The following RNF19A variants were observed in gnomAD, a reference collection of about 807,000 sequenced individuals.
RNF19A encodes the protein E3 ubiquitin-protein ligase RNF19A.
In RNF19A, 32 loss-of-function variants were observed where a neutral mutation model predicts 75.7. The ratio of observed to expected loss-of-function variants is 0.42; its 90% CI spans 0.32 to 0.57. The LOEUF (loss-of-function observed/expected upper bound fraction) is 0.57. Ranked by LOEUF, RNF19A falls within the 20% of genes least tolerant of loss-of-function variation. The probability of loss-of-function intolerance (pLI) is 0.10; values close to 1 mark genes in which losing one functional copy is unlikely to be tolerated. For synonymous variants in RNF19A, 335 were observed against 345.2 expected (o/e 0.97, Z 0.33); for missense variants, 782 against 1,036.3 (o/e 0.75, Z 3.37).
At chr8:100,298,419 C>T (rs944687542) in intron 1 of RNF19A, among the ~76,000 whole-genome samples, 1 of 152,124 alleles carries the variant, frequency 6.6e-6, no homozygotes, top group Non-Finnish European at 1.5e-5. Context: ...AATTCAACTA[C>T]TTATAAATGA....
At chr8:100,298,077 T>C (rs996676213) in intron 1 of RNF19A, among the ~76,000 whole-genome samples, 2 of 151,604 alleles carry the variant, frequency 1.3e-5, no homozygotes, top group African/African-American at 4.9e-5. Context: ...AAAGATTAAA[T>C]AAAATAACAC....
At chr8:100,276,216 A>C (rs1452031256) in intron 2 of RNF19A, among the ~76,000 whole-genome samples, 1 of 152,246 alleles carries the variant, frequency 6.6e-6, no homozygotes, top group African/African-American at 2.4e-5. Context: ...TTCAAAAGGT[A>C]AATGGTTAAA....
intron 2 of RNF19A, among the ~76,000 whole-genome samples, chr8:100,278,543 G>A (rs1397943887): frequency 6.6e-6 from 1 of 152,034 alleles, no homozygotes; most frequent in Non-Finnish European, 1.5e-5. Flanking sequence ...AATTAAATAG[G>A]AAAACAATTT....
chr8:100,291,246 G>T (rs1459331756), intron 1 of RNF19A, among the ~76,000 whole-genome samples: 1 of 152,152 alleles, frequency 6.6e-6, no homozygotes, highest in Non-Finnish European at 1.5e-5. Flanking sequence ...TGTTAAACCT[G>T]CCTAACAAAC....
chr8:100,303,171 C>A (rs1248775640), intron 1 of RNF19A: 1 of 152,280 alleles, frequency 6.6e-6, no homozygotes, highest in African/African-American at 2.4e-5. Flanking sequence ...GTTCTGGAGG[C>A]CAGAAGTCCA....
rs1822400142 is a variant in RNF19A at position 100,317,392 on chromosome 8, T to C, written c.-242-4020A>G. On this transcript the variant is annotated intron_variant, in intron 1 of 3. Coordinates refer to the RNF19A transcript ENST00000519527. The surrounding 1 kb of genome is among the most constrained non-coding windows in gnomAD (Gnocchi z 4.3). The stretch of plus-strand genomic sequence containing the variant: ...ATGATAATATCCCAACTTCAGGAAG[T>C]TTTCTTCCACTAGATCTCTCACTGG... Among the ~76,000 whole-genome samples, 1 of 152,184 alleles carries C rather than the reference T, an allele frequency of 6.6e-6. No individual in the cohort carries two copies. Among genetic ancestry groups the C allele is most frequent in the Non-Finnish European group, 1.5e-5 (1 of 68,014 alleles).
chr8:100,326,396 C>T (rs1822534103), intron 1 of RNF19A, among the ~76,000 whole-genome samples: 1 of 152,098 alleles, frequency 6.6e-6, no homozygotes, highest in African/African-American at 2.4e-5. Context: ...GTCCCTAATG[C>T]CCACATTCTT....
chr8:100,302,911 A>G (rs1265346455), intron 1 of RNF19A, among the ~76,000 whole-genome samples: 1 of 152,236 alleles, frequency 6.6e-6, no homozygotes, highest in Non-Finnish European at 1.5e-5. Flanking sequence ...AACAAAATGT[A>G]TCTTATAAGA....
intron 1 of RNF19A, among the ~76,000 whole-genome samples, chr8:100,306,569 A>G (rs1822070562): frequency 6.6e-6 from 1 of 152,148 alleles, no homozygotes; most frequent in Non-Finnish European, 1.5e-5. Flanking sequence ...TCCTTTATCA[A>G]GAAGTGTTAC....
Position 100,261,720 on chromosome 8 carries a change from T to C in RNF19A, c.1504A>G (p.Ser502Gly), listed in dbSNP as rs775060795. 30 of 1,614,072 alleles carry C rather than the reference T, an allele frequency of 1.9e-5. No individual in the cohort carries two copies. The highest frequency in any genetic ancestry group is 2.3e-5 in the Non-Finnish European group (27 of 1,180,026). ...CCACCAACACTTCCCTCCCCTATGC[T>C]TGGGTTGTGTCTTGCTTCTGCTACT... ...TSVAEARHNP[S>G]IGEGSVGGLT... Residue 502 changes from serine to glycine, a missense_variant, in exon 8 of 10, where the codon AGC (serine) becomes GGC (glycine). Transcript: ENST00000341084. This position sits in a 1 kb window ranked among gnomAD's most constrained non-coding sequence, Gnocchi z 4.4.
At chr8:100,311,731 A>G (rs1221791848), upstream of RNF19A, among the ~76,000 whole-genome samples, 7 of 150,108 alleles carry the variant, frequency 4.7e-5, no homozygotes, top group African/African-American at 1.8e-4. Flanking sequence ...AAAAAAAAAA[A>G]AAAAAAAAGA....
chr8:100,335,901 C>A (rs958228839), intron 1 of RNF19A, among the ~76,000 whole-genome samples: 1 of 152,210 alleles, frequency 6.6e-6, no homozygotes, highest in African/African-American at 2.4e-5. Flanking sequence ...AGAGCCCACA[C>A]GTGACCCAAA....
rs1276155685 is a variant in RNF19A at position 100,261,780 on chromosome 8, C to T, written c.1469-25G>A. The T allele has an allele frequency of 1.0e-5, 16 of 1,602,708 alleles. No homozygotes were observed. Among genetic ancestry groups the T allele is most frequent in the African/African-American group, 1.3e-5 (1 of 74,680 alleles). ...TCTAAATGCAAATATTCCAAAGAAA[C>T]TAAGTAAGTATGATTATCAATTTTC... is the stretch of plus-strand genomic sequence containing the variant. On this transcript the variant is annotated intron_variant, in intron 7 of 9. Transcript: ENST00000341084. The surrounding 1 kb of genome is among the most constrained non-coding windows in gnomAD (Gnocchi z 4.4).
At chr8:100,285,492 G>A (rs1302558814) in intron 2 of RNF19A, among the ~76,000 whole-genome samples, 1 of 152,050 alleles carries the variant, frequency 6.6e-6, no homozygotes, top group Admixed American at 6.6e-5. Context: ...TATATATTAT[G>A]ATGACATTAC....
chr8:100,326,098 C>A (rs1322282190), intron 1 of RNF19A, among the ~76,000 whole-genome samples: 4 of 152,128 alleles, frequency 2.6e-5, no homozygotes, highest in African/African-American at 9.7e-5. Context: ...CAGTCTATTG[C>A]CGTTTTCAGT....
intron 1 of RNF19A, among the ~76,000 whole-genome samples, chr8:100,304,590 C>T (rs2130194318): frequency 6.6e-6 from 1 of 152,290 alleles, no homozygotes; most frequent in Admixed American, 6.5e-5. Context: ...TATAAAAAGT[C>T]CCATTTATTC....
chr8:100,301,104 T>C (rs1365853362), intron 1 of RNF19A, among the ~76,000 whole-genome samples: 1 of 152,254 alleles, frequency 6.6e-6, no homozygotes, highest in Non-Finnish European at 1.5e-5. Context: ...GCTATTTAAA[T>C]TAAAATTAAA....
chr8:100,289,323 C>A (rs990031286), intron 1 of RNF19A, among the ~76,000 whole-genome samples: 7 of 151,966 alleles, frequency 4.6e-5, no homozygotes, highest in Non-Finnish European at 1.5e-5. Flanking sequence ...ACAGAACATA[C>A]AAGAATACCA....
chr8:100,304,184 A>G (rs149304257), intron 1 of RNF19A, among the ~76,000 whole-genome samples: 59 of 152,010 alleles, frequency 3.9e-4, no homozygotes, highest in African/African-American at 1.3e-3. Flanking sequence ...CTGGTCTCGA[A>G]CTCCTAACCT....
Sources: gnomAD v4.1 joint callset for allele counts (sites outside exome capture counted in the v4.1 genomes callset) on GRCh38, gnomAD v4.1.1 for gene constraint, Gnocchi (gnomAD v3.1) non-coding constraint, MANE v1.5 for transcripts, NCBI Gene and HGNC (gene_info 2026-07-23, HGNC 2026-07-21) for gene names.